HIBADH: variants seen among roughly 807,000 people sequenced by gnomAD.
HIBADH encodes 3-hydroxyisobutyrate dehydrogenase.
HIBADH carries 25 observed loss-of-function variants against 36.1 expected under a neutral mutation model. The ratio of observed to expected loss-of-function variants is 0.69; its 90% confidence interval spans 0.50 to 0.97. The LOEUF is 0.97. Ranked by LOEUF, HIBADH falls within the 50% of genes least tolerant of loss-of-function variation. HIBADH has a pLI of 0.00. For missense variants in HIBADH, 421 were observed against 418.0 expected (o/e 1.01, Z -0.06); for synonymous variants, 160 against 149.5 (o/e 1.07, Z -0.51).
intron 4 of HIBADH, among the ~76,000 whole-genome samples, chr7:27,564,017 G>T (rs6976178): frequency 6.6e-5 from 10 of 151,084 alleles, no homozygotes; most frequent in Non-Finnish European, 1.2e-4. Context: ...TCCTGCCTCA[G>T]CCTCCCAAGT....
chr7:27,608,303 A>G (rs1785265453), intron 4 of HIBADH, among the ~76,000 whole-genome samples: 1 of 152,188 alleles, frequency 6.6e-6, no homozygotes, highest in Non-Finnish European at 1.5e-5. Context: ...CAAAAGACAG[A>G]AGGCATATCT....
intron 2 of HIBADH, among the ~76,000 whole-genome samples, chr7:27,640,121 T>C (rs1785934622): frequency 6.6e-6 from 1 of 152,266 alleles, no homozygotes. Context: ...CCTCCCTTAT[T>C]ATTGTCATAT....
intron 7 of HIBADH, among the ~76,000 whole-genome samples, chr7:27,528,634 T>C (rs943624244): frequency 6.6e-6 from 1 of 152,218 alleles, no homozygotes; most frequent in Non-Finnish European, 1.5e-5. Context: ...AGAAGACGTG[T>C]GAAGCTAGTA....
At chr7:27,533,958 C>T (rs1269152704) in intron 6 of HIBADH, among the ~76,000 whole-genome samples, 2 of 152,154 alleles carry the variant, frequency 1.3e-5, no homozygotes, top group African/African-American at 4.8e-5. Context: ...TAATAACTTG[C>T]CACTGGATGT....
Position 27,526,338 on chromosome 7 carries a change from G to A in HIBADH, c.887C>T (p.Thr296Ile). The change falls in exon 8 of 8, where the codon ACA (threonine) becomes ATA (isoleucine). Residue 296 changes from threonine to isoleucine, a missense_variant. Thr to Ile is a moderately conservative substitution (Grantham distance 89, BLOSUM62 -1). Coordinates refer to ENST00000265395, the MANE Select transcript of HIBADH (RefSeq NM_152740.4). ...ACTGCCAAGAAGGATTGGGCTCTTT[G>A]TGCTGGTAGCAGAGTCTTGTGCCAA... is the stretch of plus-strand genomic sequence containing the variant. ...LGLAQDSATSTKSPILLGSLA... is the reference protein window; with the variant it reads ...LGLAQDSATSIKSPILLGSLA... The A allele has an allele frequency of 6.2e-7, 1 of 1,613,086 alleles. No individual in the cohort carries two copies. The highest frequency in any genetic ancestry group is 1.1e-5 in the South Asian group (1 of 90,792).
intron 4 of HIBADH, among the ~76,000 whole-genome samples, chr7:27,567,527 C>T (rs1784564958): frequency 6.6e-6 from 1 of 152,030 alleles, no homozygotes; most frequent in Admixed American, 6.6e-5. Context: ...TTATTTTCTG[C>T]TTGTCCACTA....
rs1562646477 is a variant in HIBADH at position 27,618,900 on chromosome 7, A to AG, written c.484+10470_484+10471insC. On this transcript the variant is annotated intron_variant, in intron 4 of 7. Coordinates refer to ENST00000265395, the MANE Select transcript of HIBADH (RefSeq NM_152740.4). ...AAGCAGGTCTCCTGAGTAGTTACTC[A>AG]TTATTGCAAGGACAGCACCAAGGGG... is the stretch of plus-strand genomic sequence containing the variant. Among the ~76,000 whole-genome samples, 5 of 152,284 alleles carry AG rather than the reference A, an allele frequency of 3.3e-5. No individual in the cohort carries two copies. The East Asian group carries it at 9.7e-4, about 29-fold the overall frequency.
At chr7:27,653,679 G>C (rs1391604484) in intron 1 of HIBADH, among the ~76,000 whole-genome samples, 3 of 151,864 alleles carry the variant, frequency 2.0e-5, no homozygotes, top group Admixed American at 6.6e-5. Context: ...GGAGCTTGCA[G>C]TGAGCTGAGA....
chr7:27,568,605 C>T (rs1784581938), intron 4 of HIBADH, among the ~76,000 whole-genome samples: 1 of 151,984 alleles, frequency 6.6e-6, no homozygotes, highest in Admixed American at 6.6e-5. Flanking sequence ...TTACAGGTGA[C>T]TGCCACCAGG....
chr7:27,545,036 T>C (rs1291527612), intron 4 of HIBADH, among the ~76,000 whole-genome samples: 1 of 152,206 alleles, frequency 6.6e-6, no homozygotes, highest in African/African-American at 2.4e-5. Flanking sequence ...AAAGTAAGCA[T>C]CTAACTAAAA....
At chr7:27,579,851 C>T (rs1784764468) in intron 4 of HIBADH, among the ~76,000 whole-genome samples, 1 of 152,162 alleles carries the variant, frequency 6.6e-6, no homozygotes, top group Non-Finnish European at 1.5e-5. Flanking sequence ...GGTATCTTTA[C>T]CATAATACCA....
intron 4 of HIBADH, among the ~76,000 whole-genome samples, chr7:27,561,752 AC>A (rs1209924745): frequency 6.6e-6 from 1 of 152,142 alleles, no homozygotes; most frequent in Non-Finnish European, 1.5e-5. Flanking sequence ...TTGTGGTTCT[AC>A]AATTTTTTGC....
chr7:27,531,482 G>T, intron 6 of HIBADH, 134 bp from the exon 7 acceptor site: 1 of 711,364 alleles, frequency 1.4e-6, no homozygotes, highest in Non-Finnish European at 2.1e-6. Flanking sequence ...AGGTTGATAC[G>T]AGAGTGAAGA....
In HIBADH at chr7:27,662,792, G is replaced by A. The variant is rs547054649; in HGVS notation, c.-4C>T. ...GGAGCCGTAAGGAGGCTGCCATGCT[G>A]CGCCCGCCCCTCTCCCCGCGGTGAC... On this transcript the variant is annotated 5_prime_UTR_variant, in exon 1 of 8. Coordinates refer to ENST00000265395, the MANE Select transcript of HIBADH (RefSeq NM_152740.4). The A allele has an allele frequency of 3.4e-6, 5 of 1,466,040 alleles. No homozygotes were observed. Among genetic ancestry groups the A allele is most frequent in the Admixed American group, 2.5e-5 (1 of 39,454 alleles). The allele number at this position is 1,466,040 out of a possible 1,614,324, so 90.8% of individuals were successfully genotyped here.
At chr7:27,627,771 G>GT (rs1430671508) in intron 4 of HIBADH, among the ~76,000 whole-genome samples, 1 of 152,032 alleles carries the variant, frequency 6.6e-6, no homozygotes, top group Non-Finnish European at 1.5e-5. Context: ...CCTGCACAAA[G>GT]CTTTTAATCT....
intron 4 of HIBADH, among the ~76,000 whole-genome samples, chr7:27,576,551 A>G (rs1583577886): frequency 6.6e-6 from 1 of 152,356 alleles, no homozygotes. Flanking sequence ...CTAGTGGCCC[A>G]TAATTTTCCA....
chr7:27,585,702 T>C (rs1052356933), intron 4 of HIBADH, among the ~76,000 whole-genome samples: 8 of 152,226 alleles, frequency 5.3e-5, no homozygotes, highest in African/African-American at 1.9e-4. Flanking sequence ...AAAGGAAGTG[T>C]ATAAATTGGT....
chr7:27,610,218 A>T (rs1003767056), intron 4 of HIBADH, among the ~76,000 whole-genome samples: 1 of 152,178 alleles, frequency 6.6e-6, no homozygotes, highest in African/African-American at 2.4e-5. Flanking sequence ...CATTTTTAAA[A>T]ATTTTCTTAA....
chr7:27,634,006 T>C (rs1273005137), intron 2 of HIBADH, among the ~76,000 whole-genome samples: 3 of 152,160 alleles, frequency 2.0e-5, no homozygotes, highest in African/African-American at 4.8e-5. Flanking sequence ...AATCTAAATA[T>C]TAAGAGCTAG....
Sources: allele counts gnomAD v4.1 joint callset (sites outside exome capture counted in the v4.1 genomes callset), GRCh38; gene constraint gnomAD v4.1.1; transcripts MANE v1.5; gene names NCBI Gene and HGNC (gene_info 2026-07-23, HGNC 2026-07-21).